The following PHACTR1 variants were observed in gnomAD, a reference collection of about 807,000 sequenced individuals.
PHACTR1 encodes the protein phosphatase and actin regulator 1, also known as RPEL repeat containing 1.
Under a neutral mutation model 69.2 loss-of-function variants are expected in PHACTR1, and 16 were observed. The observed-to-expected ratio is 0.23, with a 90% CI of 0.16 to 0.35. The LOEUF is 0.35. Among genes scored for constraint, PHACTR1 ranks in the 10% least tolerant of loss-of-function variants. PHACTR1 has a pLI of 1.00. For synonymous variants in PHACTR1, 312 were observed against 284.5 expected, an observed-to-expected ratio of 1.10 and a Z score of -0.97; for missense variants, 510 against 734.7, an observed-to-expected ratio of 0.69 and a Z score of 3.54.
chr6:12,850,822 G>A (rs1779751502), intron 4 of PHACTR1, among the ~76,000 whole-genome samples: 1 of 152,064 alleles, frequency 6.6e-6, no homozygotes. Flanking sequence ...ACGTGCCTCT[G>A]TGCCTCTTCT....
At chr6:13,064,553 T>TAGATAG (rs1808215018) in intron 5 of PHACTR1, among the ~76,000 whole-genome samples, 1 of 1,718 alleles carries the variant, frequency 5.8e-4, no homozygotes, top group African/African-American at 1.2e-3. Context: ...AAAAGATATA[T>TAGATAG]ATATATATAT....
chr6:12,958,181 G>T (rs547533242), intron 4 of PHACTR1: 1 of 373,098 alleles, frequency 2.7e-6, no homozygotes, highest in African/African-American at 2.2e-5. Context: ...TGAAATCCTC[G>T]GGCCGGGTTC....
At chr6:13,191,629 C>T in intron 7 of PHACTR1, among the ~76,000 whole-genome samples, 1 of 152,130 alleles carries the variant, frequency 6.6e-6, no homozygotes, top group East Asian at 1.9e-4. Flanking sequence ...CTGGGGTGGA[C>T]AGGCCTGATA....
intron 4 of PHACTR1, among the ~76,000 whole-genome samples, chr6:12,866,651 C>G (rs758114467): frequency 6.6e-6 from 1 of 152,200 alleles, no homozygotes; most frequent in African/African-American, 2.4e-5. Context: ...TCACAACGTA[C>G]CATTTATATT....
At chr6:12,952,669 C>T (rs1032773159) in intron 4 of PHACTR1, among the ~76,000 whole-genome samples, 5 of 152,154 alleles carry the variant, frequency 3.3e-5, no homozygotes, top group African/African-American at 1.2e-4. Context: ...TGCATAAAGC[C>T]GCTATCCTTG....
At chr6:12,866,890 A>G (rs1781516263) in intron 4 of PHACTR1, among the ~76,000 whole-genome samples, 1 of 152,210 alleles carries the variant, frequency 6.6e-6, no homozygotes, top group Non-Finnish European at 1.5e-5. Flanking sequence ...AAAGCTTTCA[A>G]AGGAAATACG....
At chr6:13,077,173 G>T in intron 5 of PHACTR1, among the ~76,000 whole-genome samples, 1 of 104,700 alleles carries the variant, frequency 9.6e-6, no homozygotes, top group South Asian at 3.2e-4. Flanking sequence ...AATGATGCAA[G>T]CAAAAAAAAA....
chr6:13,262,737 T>C (rs1434352676), intron 10 of PHACTR1, among the ~76,000 whole-genome samples: 1 of 152,226 alleles, frequency 6.6e-6, no homozygotes, highest in Non-Finnish European at 1.5e-5. Flanking sequence ...TCTGGATACC[T>C]GTTAGAAAAC....
chr6:13,229,109 G>C (rs1770328008), intron 9 of PHACTR1, among the ~76,000 whole-genome samples: 2 of 152,232 alleles, frequency 1.3e-5, no homozygotes, highest in South Asian at 4.1e-4. Flanking sequence ...CAGCTGCTCA[G>C]CCCCTGTTTG....
At chr6:13,131,504 C>T (rs753132983) in intron 5 of PHACTR1, among the ~76,000 whole-genome samples, 11 of 152,014 alleles carry the variant, frequency 7.2e-5, no homozygotes, top group Non-Finnish European at 1.3e-4. Flanking sequence ...GCATACACTG[C>T]TCGGATGAAT....
intron 10 of PHACTR1, among the ~76,000 whole-genome samples, chr6:13,249,123 C>G (rs896537694): frequency 7.9e-5 from 12 of 151,968 alleles, no homozygotes; most frequent in African/African-American, 2.7e-4. Flanking sequence ...TAGGGGTGCC[C>G]AAACCCCCAG....
At chr6:12,824,232 C>G (rs1034439258) in intron 4 of PHACTR1, among the ~76,000 whole-genome samples, 55 of 152,226 alleles carry the variant, frequency 3.6e-4, no homozygotes, top group African/African-American at 1.3e-3. Flanking sequence ...TGAGCTGTCA[C>G]TGTCTCCCAT....
chr6:12,757,580 A>T (rs1342807174), intron 4 of PHACTR1, among the ~76,000 whole-genome samples: 3 of 152,188 alleles, frequency 2.0e-5, no homozygotes, highest in Non-Finnish European at 4.4e-5. Flanking sequence ...AGCGTGGTAC[A>T]GCAGAAACAG....
chr6:13,124,744 G>C (rs1363122615), intron 5 of PHACTR1, among the ~76,000 whole-genome samples: 1 of 152,216 alleles, frequency 6.6e-6, no homozygotes, highest in South Asian at 2.1e-4. Context: ...TCTGGTAAGG[G>C]CTCTCTCTTT....
intron 4 of PHACTR1, among the ~76,000 whole-genome samples, chr6:13,052,241 A>G (rs1806073160): frequency 1.3e-5 from 2 of 152,254 alleles, no homozygotes; most frequent in African/African-American, 4.8e-5. Flanking sequence ...CACACTCAGA[A>G]TTCCATATGT....
intron 8 of PHACTR1, among the ~76,000 whole-genome samples, chr6:13,209,161 C>T (rs1216004592): frequency 6.6e-6 from 1 of 152,166 alleles, no homozygotes; most frequent in Non-Finnish European, 1.5e-5. Flanking sequence ...TTCTGTGTGT[C>T]TCCAGTCATC....
At chr6:13,098,986 A>G (rs149796332) in intron 5 of PHACTR1, among the ~76,000 whole-genome samples, 1 of 152,244 alleles carries the variant, frequency 6.6e-6, no homozygotes, top group Non-Finnish European at 1.5e-5. Context: ...TCTTTAATAC[A>G]CTTCAGTAAC....
chr6:12,757,937 C>A (rs1488872220), intron 4 of PHACTR1, among the ~76,000 whole-genome samples: 1 of 152,076 alleles, frequency 6.6e-6, no homozygotes, highest in East Asian at 1.9e-4. Flanking sequence ...CACGGTGAAA[C>A]CCCGTCTCTA....
At chr6:13,199,395 A>C (rs1764885455) in intron 7 of PHACTR1, among the ~76,000 whole-genome samples, 1 of 150,526 alleles carries the variant, frequency 6.6e-6, no homozygotes, top group Non-Finnish European at 1.5e-5. Flanking sequence ...AAAAAAAAAA[A>C]AAAAAAAAAA....
Sources: allele counts gnomAD v4.1 joint callset (sites outside exome capture counted in the v4.1 genomes callset), GRCh38; gene constraint gnomAD v4.1.1; transcripts MANE v1.5; gene names NCBI Gene and HGNC (gene_info 2026-07-23, HGNC 2026-07-21).